The following VAV3 variants were observed in gnomAD, a reference collection of about 807,000 sequenced individuals.
VAV3 encodes the protein guanine nucleotide exchange factor VAV3.
In VAV3, 94 loss-of-function variants were observed where a neutral mutation model predicts 131.2. The ratio of observed to expected loss-of-function variants is 0.72; its 90% CI spans 0.61 to 0.85. VAV3 has a LOEUF of 0.85. Among genes scored for constraint, VAV3 ranks in the 40% least tolerant of loss-of-function variants. The pLI, the probability that VAV3 is intolerant of heterozygous loss-of-function variation, is 0.00. For missense variants in VAV3, 939 were observed against 1,002.7 expected (o/e 0.94, Z 0.86); for synonymous variants, 349 against 342.0 (o/e 1.02, Z -0.22).
chr1:107,626,696 C>A (rs1218914154), intron 20 of VAV3, among the ~76,000 whole-genome samples: 1 of 152,148 alleles, frequency 6.6e-6, no homozygotes, highest in Non-Finnish European at 1.5e-5. Flanking sequence ...ATGATAAAAT[C>A]TGAGTTTGAG....
At chr1:107,583,208 CTTCTT>C (rs1650209075) in intron 25 of VAV3, among the ~76,000 whole-genome samples, 1 of 152,080 alleles carries the variant, frequency 6.6e-6, no homozygotes, top group Admixed American at 6.6e-5. Context: ...GCATAAATGT[CTTCTT>C]TTGAGAAGTG....
At chr1:107,785,253 G>A (rs1282066076) in intron 2 of VAV3, among the ~76,000 whole-genome samples, 1 of 152,150 alleles carries the variant, frequency 6.6e-6, no homozygotes. Context: ...CCTGAGTTAA[G>A]AAAGGCACAG....
chr1:107,939,290 C>A (rs1393400469), intron 1 of VAV3, among the ~76,000 whole-genome samples: 1 of 152,174 alleles, frequency 6.6e-6, no homozygotes, highest in Admixed American at 6.5e-5. Flanking sequence ...AAATTCTAGA[C>A]TCAAATTTTC....
intron 2 of VAV3, among the ~76,000 whole-genome samples, chr1:107,860,817 G>A (rs1482644474): frequency 1.3e-5 from 2 of 151,586 alleles, no homozygotes; most frequent in Admixed American, 1.3e-4. Flanking sequence ...GACTGCTTGT[G>A]CCCAGGACTT....
At chr1:107,957,960 C>T (rs1309410618) in intron 1 of VAV3, among the ~76,000 whole-genome samples, 1 of 151,872 alleles carries the variant, frequency 6.6e-6, no homozygotes, top group South Asian at 2.1e-4. Context: ...GGTTTCAGTA[C>T]TTCAGTGCCT....
intron 2 of VAV3, among the ~76,000 whole-genome samples, chr1:107,805,608 T>C (rs948063851): frequency 2.0e-5 from 3 of 152,210 alleles, no homozygotes; most frequent in African/African-American, 4.8e-5. Flanking sequence ...AATTGCTATT[T>C]TGAATTCTTG....
chr1:107,583,075 G>T (rs1294459554), intron 25 of VAV3, among the ~76,000 whole-genome samples: 1 of 152,124 alleles, frequency 6.6e-6, no homozygotes, highest in Non-Finnish European at 1.5e-5. Flanking sequence ...CCAGCACCTG[G>T]TGTTTCCTGA....
At chr1:107,681,134 C>G (rs896035050) in intron 19 of VAV3, among the ~76,000 whole-genome samples, 1 of 152,076 alleles carries the variant, frequency 6.6e-6, no homozygotes. Flanking sequence ...AGTAGTTACA[C>G]CCGGCCTCCT....
intron 15 of VAV3, among the ~76,000 whole-genome samples, chr1:107,739,650 C>A (rs148391733): frequency 2.9e-3 from 449 of 152,266 alleles, no homozygotes; most frequent in Non-Finnish European, 4.9e-3. Context: ...AAAATAATTT[C>A]TCAACAAAAA....
intron 20 of VAV3, 33 bp downstream of exon 20, chr1:107,642,586 T>C: frequency 6.2e-7 from 1 of 1,606,972 alleles, no homozygotes; most frequent in Middle Eastern, 1.9e-4. Context: ...TCTTGGGGTC[T>C]GCATCAGGAC....
intron 20 of VAV3, among the ~76,000 whole-genome samples, chr1:107,628,959 A>G (rs1315289320): frequency 6.6e-6 from 1 of 151,954 alleles, no homozygotes; most frequent in Non-Finnish European, 1.5e-5. Context: ...GTGTAGATGT[A>G]TGATTAGTAA....
intron 15 of VAV3, among the ~76,000 whole-genome samples, chr1:107,734,530 GA>G (rs1457070790): frequency 6.6e-6 from 1 of 152,140 alleles, no homozygotes; most frequent in East Asian, 1.9e-4. Context: ...CAACCAGATG[GA>G]AAGCAAAAGA....
At chr1:107,825,691 A>C (rs1302184067) in intron 2 of VAV3, among the ~76,000 whole-genome samples, 1 of 152,144 alleles carries the variant, frequency 6.6e-6, no homozygotes, top group African/African-American at 2.4e-5. Flanking sequence ...GCTTTCCATC[A>C]AAATAAAATA....
intron 1 of VAV3, among the ~76,000 whole-genome samples, chr1:107,951,062 A>G (rs1674509258): frequency 6.6e-6 from 1 of 152,202 alleles, no homozygotes; most frequent in Non-Finnish European, 1.5e-5. Context: ...ACAAATGCAA[A>G]TGGTATGGCC....
chr1:107,751,515 T>C (rs1468097120), intron 12 of VAV3, among the ~76,000 whole-genome samples: 1 of 152,172 alleles, frequency 6.6e-6, no homozygotes, highest in Non-Finnish European at 1.5e-5. Flanking sequence ...GCAATTAATA[T>C]TTTTTGAGCA....
chr1:107,851,045 C>A (rs1669197367), intron 2 of VAV3, among the ~76,000 whole-genome samples: 1 of 151,722 alleles, frequency 6.6e-6, no homozygotes, highest in African/African-American at 2.4e-5. Context: ...GGGAACAAGA[C>A]AGAGCTGAGA....
chr1:107,853,113 A>C (rs948284817), intron 2 of VAV3, among the ~76,000 whole-genome samples: 20 of 152,222 alleles, frequency 1.3e-4, no homozygotes, highest in Non-Finnish European at 2.5e-4. Flanking sequence ...TGTGGGTGAA[A>C]ACTGTTTTTT....
At chr1:107,628,652 A>T (rs1025873471) in intron 20 of VAV3, among the ~76,000 whole-genome samples, 1 of 152,224 alleles carries the variant, frequency 6.6e-6, no homozygotes, top group Non-Finnish European at 1.5e-5. Flanking sequence ...CTACCAAAAA[A>T]TAACAAAACT....
intron 20 of VAV3, among the ~76,000 whole-genome samples, chr1:107,631,674 G>C (rs1193623365): frequency 2.4e-5 from 3 of 124,924 alleles, no homozygotes; most frequent in African/African-American, 9.5e-5. Flanking sequence ...TCCCCTTCCT[G>C]TGTCCATGTG....
Sources: gnomAD v4.1 joint callset for allele counts (sites outside exome capture counted in the v4.1 genomes callset) on GRCh38, gnomAD v4.1.1 for gene constraint, MANE v1.5 for transcripts, NCBI Gene and HGNC (gene_info 2026-07-23, HGNC 2026-07-21) for gene names.